The following PDS5A variants were observed in gnomAD, a reference collection of about 807,000 sequenced individuals.
PDS5A encodes the protein sister chromatid cohesion protein PDS5 homolog A.
Under a neutral mutation model 167.1 loss-of-function variants are expected in PDS5A, and 42 were observed. The observed-to-expected ratio is 0.25, with a 90% CI of 0.20 to 0.33. PDS5A has a LOEUF of 0.33. Ranked by LOEUF, PDS5A falls within the 10% of genes least tolerant of loss-of-function variation. PDS5A has a pLI of 1.00. For synonymous variants in PDS5A, 553 were observed against 554.6 expected, an observed-to-expected ratio of 1.00 and a Z score of 0.04; for missense variants, 1,033 against 1,605.9, an observed-to-expected ratio of 0.64 and a Z score of 6.10.
At chr4:39,895,702 T>G (rs1052348516) in intron 16 of PDS5A, among the ~76,000 whole-genome samples, 1 of 152,126 alleles carries the variant, frequency 6.6e-6, no homozygotes, top group Non-Finnish European at 1.5e-5. Flanking sequence ...TTGATGAACT[T>G]CAAGGGTTTG....
chr4:39,960,979 C>CA (rs1446948339), intron 2 of PDS5A, among the ~76,000 whole-genome samples: 1 of 152,072 alleles, frequency 6.6e-6, no homozygotes, highest in Non-Finnish European at 1.5e-5. Context: ...TGAGCCACCA[C>CA]ACCCAGCCTA....
intron 7 of PDS5A, among the ~76,000 whole-genome samples, chr4:39,919,374 G>A (rs566077645): frequency 8.5e-5 from 13 of 152,248 alleles, no homozygotes; most frequent in African/African-American, 2.2e-4. Context: ...AGCCGGGTGC[G>A]GTGGCTCACG....
At position 39,945,321 on chromosome 4, in the gene PDS5A, C is replaced by T. The variant is rs191003793; in HGVS notation, c.139-17157G>A. Among the ~76,000 whole-genome samples the T allele has an allele frequency of 9.4e-4, 142 of 151,768 alleles. No homozygotes were observed. In the Middle Eastern group the frequency reaches 0.014, roughly 15 times the overall value. On this transcript the variant is annotated intron_variant, in intron 2 of 32. Coordinates refer to ENST00000303538, the MANE Select transcript of PDS5A (RefSeq NM_001100399.2). ...CTAAAAATACAAAAAATTAGCCAGGCGTGGTGGCAGGCGCCTATAGTTCCA... is the reference window on the plus strand; with the variant it reads ...CTAAAAATACAAAAAATTAGCCAGGTGTGGTGGCAGGCGCCTATAGTTCCA...
chr4:39,866,224 C>T (rs1418393367), intron 23 of PDS5A, among the ~76,000 whole-genome samples: 1 of 152,196 alleles, frequency 6.6e-6, no homozygotes, highest in Non-Finnish European at 1.5e-5. Flanking sequence ...AAGCGATTCT[C>T]CTGCCTCAGC....
chr4:39,976,730 C>G, intron 1 of PDS5A, 113 bp from the exon 2 acceptor site: 1 of 516,174 alleles, frequency 1.9e-6, no homozygotes, highest in Non-Finnish European at 3.3e-6. Flanking sequence ...GGCCGGGGAC[C>G]CGGCAGCGGC....
At chr4:39,971,530 C>T (rs1730538082) in intron 2 of PDS5A, among the ~76,000 whole-genome samples, 2 of 152,066 alleles carry the variant, frequency 1.3e-5, no homozygotes, top group East Asian at 3.9e-4. Flanking sequence ...TGGCATAATG[C>T]CTCACTGCAA....
chr4:39,868,779 ATATT>A, intron 22 of PDS5A: 1 of 422,818 alleles, frequency 2.4e-6, no homozygotes, highest in South Asian at 1.7e-5. Flanking sequence ...ATTATTTATT[ATATT>A]TATTGACAAC....
chr4:39,930,246 A>AAAATAT, intron 2 of PDS5A, among the ~76,000 whole-genome samples: 1 of 93,090 alleles, frequency 1.1e-5, no homozygotes, highest in Non-Finnish European at 2.2e-5. Flanking sequence ...AAAAAAAAAA[A>AAAATAT]GTTTTTTTGT....
intron 32 of PDS5A, among the ~76,000 whole-genome samples, chr4:39,835,697 A>C (rs1716322652): frequency 1.3e-5 from 2 of 152,010 alleles, no homozygotes; most frequent in African/African-American, 4.8e-5. Flanking sequence ...TAATTTTTGC[A>C]TTTTTAGTAG....
chr4:39,961,049 ATCC>A (rs1729432673), intron 2 of PDS5A, among the ~76,000 whole-genome samples: 1 of 125,048 alleles, frequency 8.0e-6, no homozygotes, highest in Admixed American at 7.8e-5. Context: ...GCCTCAAGCA[ATCC>A]TCCACCTCGC....
chr4:39,953,289 G>T (rs910074293), intron 2 of PDS5A, among the ~76,000 whole-genome samples: 1 of 152,150 alleles, frequency 6.6e-6, no homozygotes, highest in Non-Finnish European at 1.5e-5. Context: ...TTTCACCGTG[G>T]CTGGGGTAAC....
At chr4:39,938,835 T>G (rs1275114402) in intron 2 of PDS5A, among the ~76,000 whole-genome samples, 1 of 151,942 alleles carries the variant, frequency 6.6e-6, no homozygotes, top group Non-Finnish European at 1.5e-5. Flanking sequence ...CTGGGCGTGG[T>G]GGCGCATGCC....
chr4:39,825,581 A>AAT, intron 32 of PDS5A, 93 bp from the exon 33 acceptor site: 1 of 1,006,334 alleles, frequency 9.9e-7, no homozygotes, highest in Non-Finnish European at 1.4e-6. Context: ...TGTTATCTAA[A>AAT]ATCTTTTTTT....
chr4:39,858,991 C>T (rs1216138216), intron 26 of PDS5A, among the ~76,000 whole-genome samples: 1 of 152,088 alleles, frequency 6.6e-6, no homozygotes, highest in Non-Finnish European at 1.5e-5. Flanking sequence ...AAAGTGAAAA[C>T]TTTTGTGCAT....
intron 32 of PDS5A, 22 bp downstream of exon 32, chr4:39,837,834 G>T: frequency 6.5e-7 from 1 of 1,540,214 alleles, no homozygotes; most frequent in Non-Finnish European, 8.8e-7. Flanking sequence ...ATTCCCACTT[G>T]AGGAAGAATG....
intron 5 of PDS5A, 104 bp downstream of exon 5, chr4:39,925,732 T>C: frequency 5.1e-6 from 2 of 389,068 alleles, no homozygotes; most frequent in Middle Eastern, 6.9e-4. Flanking sequence ...AGGAAAACAA[T>C]TCCTTATAAC....
chr4:39,867,733 A>AACACACACACACACACAC (rs142147688), intron 22 of PDS5A, among the ~76,000 whole-genome samples: 3 of 130,632 alleles, frequency 2.3e-5, no homozygotes, highest in Non-Finnish European at 3.1e-5. Flanking sequence ...AAAAAACCAA[A>AACACACACACACACACAC]ACACACACAC....
intron 29 of PDS5A, 99 bp from the exon 30 acceptor site, chr4:39,844,900 C>G (rs1717452371): frequency 8.1e-7 from 1 of 1,239,148 alleles, no homozygotes; most frequent in South Asian, 1.8e-5. Context: ...TTGTTAAGTG[C>G]TAATTAGTTA....
chr4:39,903,055 T>G (rs1402349757), intron 12 of PDS5A, among the ~76,000 whole-genome samples: 1 of 141,822 alleles, frequency 7.1e-6, no homozygotes, highest in Non-Finnish European at 1.6e-5. Flanking sequence ...GCTAGGCTGT[T>G]CCGCCTATTC....
Sources: allele counts gnomAD v4.1 joint callset (sites outside exome capture counted in the v4.1 genomes callset), GRCh38; gene constraint gnomAD v4.1.1; transcripts MANE v1.5; gene names NCBI Gene and HGNC (gene_info 2026-07-23, HGNC 2026-07-21).